The following TENM3 variants were observed in gnomAD, a reference collection of about 807,000 sequenced individuals.
TENM3 encodes the protein teneurin-3.
In TENM3, 63 loss-of-function variants were observed where a neutral mutation model predicts 255.1. That is an observed-to-expected ratio of 0.25 (90% CI 0.20 to 0.30). The LOEUF (loss-of-function observed/expected upper bound fraction) is 0.30. TENM3 is among the 10% of genes least tolerant of loss of function. TENM3 has a pLI of 1.00. For synonymous variants in TENM3, 1,306 were observed against 1,322.3 expected, an observed-to-expected ratio of 0.99 and a Z score of 0.27; for missense variants, 2,929 against 3,461.1, an observed-to-expected ratio of 0.85 and a Z score of 3.86.
At chr4:182,148,134 A>G (rs1355944090) in intron 1 of TENM3, among the ~76,000 whole-genome samples, 4 of 152,126 alleles carry the variant, frequency 2.6e-5, no homozygotes, top group Admixed American at 2.6e-4. Context: ...CTCTCCTTCT[A>G]ATTGAGATTA....
At chr4:182,042,491 G>A in the TENM3 span, among the ~76,000 whole-genome samples, 1 of 152,130 alleles carries the variant, frequency 6.6e-6, no homozygotes, top group Non-Finnish European at 1.5e-5. Context: ...CAAAGGTCCT[G>A]ACTCTTTGGG....
the TENM3 span, among the ~76,000 whole-genome samples, chr4:181,650,819 A>T: frequency 4.6e-5 from 7 of 152,360 alleles, no homozygotes; most frequent in African/African-American, 1.7e-4. Context: ...TATTTTTAAA[A>T]CAAAATGTTA....
intron 3 of TENM3, among the ~76,000 whole-genome samples, chr4:182,389,943 T>C (rs945978565): frequency 4.6e-5 from 7 of 152,010 alleles, no homozygotes; most frequent in Admixed American, 6.5e-5. Flanking sequence ...CCTCAGCCTC[T>C]CAAAGTGCTG....
chr4:182,603,784 T>TATAG (rs58332965), intron 4 of TENM3, among the ~76,000 whole-genome samples: 12 of 134,164 alleles, frequency 8.9e-5, no homozygotes, highest in South Asian at 2.6e-4. Flanking sequence ...TATATATATA[T>TATAG]ACACACACAC....
At chr4:181,985,026 T>C in the TENM3 span, among the ~76,000 whole-genome samples, 52 of 152,138 alleles carry the variant, frequency 3.4e-4, no homozygotes, top group African/African-American at 1.2e-3. Context: ...AGACATCAGA[T>C]ACAATCTTTA....
the TENM3 span, among the ~76,000 whole-genome samples, chr4:182,006,770 C>T: frequency 6.6e-6 from 1 of 151,876 alleles, no homozygotes; most frequent in Non-Finnish European, 1.5e-5. Context: ...CTTCTGCTAG[C>T]TTTTGGATTA....
intron 24 of TENM3, among the ~76,000 whole-genome samples, chr4:182,782,162 G>A: frequency 2.1e-5 from 1 of 46,568 alleles, no homozygotes; most frequent in Non-Finnish European, 4.1e-5. Flanking sequence ...GTCAATTTTG[G>A]ATCTTTCCTG....
intron 5 of TENM3, among the ~76,000 whole-genome samples, chr4:182,651,494 C>T (rs1470654371): frequency 1.3e-5 from 2 of 151,980 alleles, no homozygotes; most frequent in Non-Finnish European, 2.9e-5. Flanking sequence ...AGTTCGAGAA[C>T]AGCCTGGGCA....
chr4:181,669,213 A>G, the TENM3 span, among the ~76,000 whole-genome samples: 2 of 152,212 alleles, frequency 1.3e-5, no homozygotes, highest in African/African-American at 4.8e-5. Flanking sequence ...AAGACTCACT[A>G]CATGTGGGAC....
chr4:181,938,285 C>T, the TENM3 span, among the ~76,000 whole-genome samples: 1 of 152,130 alleles, frequency 6.6e-6, no homozygotes, highest in Non-Finnish European at 1.5e-5. Context: ...TCATAATACT[C>T]CAGAAAATCG....
chr4:181,544,143 C>A, the TENM3 span, among the ~76,000 whole-genome samples: 1 of 151,968 alleles, frequency 6.6e-6, no homozygotes, highest in Non-Finnish European at 1.5e-5. Context: ...AATAATACTT[C>A]AAGAATTGAC....
chr4:181,588,385 G>T, the TENM3 span, among the ~76,000 whole-genome samples: 1 of 152,130 alleles, frequency 6.6e-6, no homozygotes, highest in African/African-American at 2.4e-5. Flanking sequence ...CACTAGTCTT[G>T]GCTACTCAGG....
chr4:181,811,474 G>A, the TENM3 span, among the ~76,000 whole-genome samples: 3 of 152,150 alleles, frequency 2.0e-5, no homozygotes, highest in Non-Finnish European at 4.4e-5. Flanking sequence ...CACTTTCAAA[G>A]TAAAGAAAAT....
chr4:182,412,823 C>G (rs1770088421), intron 3 of TENM3, among the ~76,000 whole-genome samples: 1 of 150,972 alleles, frequency 6.6e-6, no homozygotes, highest in Middle Eastern at 3.2e-3. Context: ...CGAGATCACA[C>G]CACTGCACTC....
chr4:182,120,882 T>A, the TENM3 span, among the ~76,000 whole-genome samples: 1 of 152,196 alleles, frequency 6.6e-6, no homozygotes, highest in Non-Finnish European at 1.5e-5. Flanking sequence ...GAGGATCAGA[T>A]CATGCAAGAC....
At chr4:182,239,162 C>T (rs558232847), upstream of TENM3, among the ~76,000 whole-genome samples, 16 of 151,718 alleles carry the variant, frequency 1.1e-4, no homozygotes, top group East Asian at 1.9e-4. Flanking sequence ...CTGTAACCTC[C>T]GCCTCCTGAG....
chr4:182,521,544 C>T (rs1738572270), intron 3 of TENM3, among the ~76,000 whole-genome samples: 1 of 152,084 alleles, frequency 6.6e-6, no homozygotes, highest in East Asian at 1.9e-4. Context: ...GAGATAAATG[C>T]CAGTGCCAAG....
At chr4:182,753,168 G>A (rs938983135) in intron 20 of TENM3, among the ~76,000 whole-genome samples, 3 of 152,012 alleles carry the variant, frequency 2.0e-5, no homozygotes, top group South Asian at 2.1e-4. Context: ...GGCTGGTCTC[G>A]AACTCCTGAG....
intron 12 of TENM3, among the ~76,000 whole-genome samples, chr4:182,701,322 G>A (rs1482345355): frequency 7.1e-6 from 1 of 141,036 alleles, no homozygotes; most frequent in East Asian, 2.1e-4. Context: ...CTGGGTTCAA[G>A]CAATTCTCCT....
Sources: gnomAD v4.1 joint callset for allele counts (sites outside exome capture counted in the v4.1 genomes callset) on GRCh38, gnomAD v4.1.1 for gene constraint, MANE v1.5 for transcripts, NCBI Gene and HGNC (gene_info 2026-07-23, HGNC 2026-07-21) for gene names.